The following TMTC2 variants were observed in gnomAD, a reference collection of about 807,000 sequenced individuals.
The protein encoded by TMTC2 is transmembrane O-mannosyltransferase targeting cadherins 2.
Under a neutral mutation model 82.4 loss-of-function variants are expected in TMTC2, and 43 were observed. That is an observed-to-expected ratio of 0.52 (90% confidence interval 0.41 to 0.67). TMTC2 has a LOEUF of 0.67. Ranked by LOEUF, TMTC2 falls within the 30% of genes least tolerant of loss-of-function variation. The pLI, the probability that TMTC2 is intolerant of heterozygous loss-of-function variation, is 0.00. For synonymous variants in TMTC2, 408 were observed against 381.9 expected, an observed-to-expected ratio of 1.07 and a Z score of -0.80; for missense variants, 919 against 1,012.4, an observed-to-expected ratio of 0.91 and a Z score of 1.25.
chr12:82,876,130 A>ATGGTGGTGGTGGTGG (rs575160141), intron 2 of TMTC2, among the ~76,000 whole-genome samples: 2 of 111,278 alleles, frequency 1.8e-5, no homozygotes, highest in Non-Finnish European at 3.8e-5. Context: ...GGTATTAGTA[A>ATGGTGGTGGTGGTGG]TGGTGGTGGT....
chr12:83,087,586 T>C (rs1883705680), intron 11 of TMTC2, among the ~76,000 whole-genome samples: 1 of 145,604 alleles, frequency 6.9e-6, no homozygotes, highest in African/African-American at 2.7e-5. Context: ...GGCTGCAGAA[T>C]GGATATTGTG....
chr12:82,876,153 GGTA>G (rs1221705137), intron 2 of TMTC2, among the ~76,000 whole-genome samples: 4 of 138,622 alleles, frequency 2.9e-5, no homozygotes, highest in South Asian at 2.1e-4. Context: ...TGGTGGTGGT[GGTA>G]GTGGTGGTAG....
chr12:82,757,889 A>G (rs1177395825), intron 1 of TMTC2, among the ~76,000 whole-genome samples: 5 of 152,142 alleles, frequency 3.3e-5, no homozygotes, highest in African/African-American at 4.8e-5. Context: ...GGATCAGGCA[A>G]TTATCACCAT....
intron 8 of TMTC2, among the ~76,000 whole-genome samples, chr12:83,025,898 T>C (rs1253811799): frequency 6.6e-6 from 1 of 152,188 alleles, no homozygotes; most frequent in African/African-American, 2.4e-5. Context: ...ATCCTCAGCA[T>C]AGGAACTTCT....
chr12:82,731,496 A>C (rs1231451367), intron 1 of TMTC2, among the ~76,000 whole-genome samples: 1 of 152,254 alleles, frequency 6.6e-6, no homozygotes, highest in Non-Finnish European at 1.5e-5. Context: ...TACAAATTTT[A>C]GACCAGTGGG....
In TMTC2 at chr12:83,126,872, A is replaced by G. The variant is rs115961502; in HGVS notation, c.2332-5338A>G. 5.1e-3 allele frequency among the ~76,000 whole-genome samples: 778 copies of G among 152,228 alleles called. 3 individuals carry two copies. Among genetic ancestry groups the G allele is most frequent in the African/African-American group, 0.018 (733 of 41,548 alleles). ...ATTATTTATTAAATATCTGCCATGT[A>G]TAAGGCACAAATAAATACAAAGAGA... On this transcript the variant is annotated intron_variant, in intron 11 of 11. Transcript: ENST00000321196.
At chr12:82,929,363 A>G (rs1198071782) in intron 3 of TMTC2, among the ~76,000 whole-genome samples, 1 of 152,098 alleles carries the variant, frequency 6.6e-6, no homozygotes, top group African/African-American at 2.4e-5. Context: ...AGCCTCAGAC[A>G]CTGTCTTAAA....
intron 1 of TMTC2, among the ~76,000 whole-genome samples, chr12:82,766,601 G>A (rs1314691556): frequency 1.3e-5 from 2 of 152,148 alleles, no homozygotes; most frequent in Admixed American, 6.5e-5. Flanking sequence ...TACATCTTAT[G>A]AAGATGATTA....
chr12:82,844,469 T>C (rs980447970), intron 1 of TMTC2, among the ~76,000 whole-genome samples: 1 of 152,150 alleles, frequency 6.6e-6, no homozygotes, highest in Non-Finnish European at 1.5e-5. Flanking sequence ...ATAGGTGTTA[T>C]TGGAATCTGA....
In TMTC2 at chr12:82,917,773, T is replaced by G. The variant is rs532140666; in HGVS notation, c.1484-12658T>G. On this transcript the variant is annotated intron_variant, in intron 3 of 11. Coordinates refer to ENST00000321196, the MANE Select transcript of TMTC2 (RefSeq NM_152588.3). Reference sequence around the variant, plus strand: ...CCTGCCACCAGGCCCGGCTAATTTTTTTGTATTTTTAGTAGAGACAGGGTT... The same window carrying G: ...CCTGCCACCAGGCCCGGCTAATTTTGTTGTATTTTTAGTAGAGACAGGGTT... Among the ~76,000 whole-genome samples, 126 of 152,162 alleles carry G rather than the reference T, an allele frequency of 8.3e-4. 1 individual carries two copies. The highest frequency in any genetic ancestry group is 2.9e-3 in the African/African-American group (120 of 41,518).
intron 3 of TMTC2, among the ~76,000 whole-genome samples, chr12:82,928,996 A>G (rs1165347479): frequency 6.6e-6 from 1 of 152,194 alleles, no homozygotes; most frequent in African/African-American, 2.4e-5. Context: ...AGAGTATCAA[A>G]CACAATAATA....
intron 11 of TMTC2, among the ~76,000 whole-genome samples, chr12:83,100,195 T>C (rs2137532176): frequency 6.6e-6 from 1 of 152,240 alleles, no homozygotes; most frequent in Middle Eastern, 3.4e-3. Flanking sequence ...GCTGGGATTA[T>C]AGGTGTAAGC....
intron 11 of TMTC2, among the ~76,000 whole-genome samples, chr12:83,115,934 C>T (rs555591426): frequency 1.3e-5 from 2 of 152,168 alleles, no homozygotes; most frequent in African/African-American, 2.4e-5. Flanking sequence ...ACTACAGGCA[C>T]GTGCCACCAT....
intron 2 of TMTC2, among the ~76,000 whole-genome samples, chr12:82,891,182 A>AG (rs1873375504): frequency 6.6e-6 from 1 of 152,258 alleles, no homozygotes; most frequent in African/African-American, 2.4e-5. Flanking sequence ...GGACTAAATT[A>AG]GAAATGAAAA....
At chr12:82,788,922 T>C (rs1257705453) in intron 1 of TMTC2, among the ~76,000 whole-genome samples, 2 of 152,034 alleles carry the variant, frequency 1.3e-5, no homozygotes, top group African/African-American at 2.4e-5. Flanking sequence ...TCTCAGCACT[T>C]TGGGAGGCCA....
chr12:82,902,676 G>A (rs957861965), intron 3 of TMTC2, among the ~76,000 whole-genome samples: 2 of 152,082 alleles, frequency 1.3e-5, no homozygotes, highest in African/African-American at 2.4e-5. Context: ...TTCTCTGGCT[G>A]CCAGTTTCTC....
rs752763855 is a variant in TMTC2 at position 83,030,836 on chromosome 12, T to G, written c.2109T>G (p.Ala703=). ...KSEAEKLFLK[A]IELDPTKGNC... is the part of the protein sequence containing the mutation. Reference sequence around the variant, plus strand: ...AGGCTGAAAAGCTCTTCTTGAAGGCTATTGAGCTGGATCCCACCAAAGGAA... The same window carrying G: ...AGGCTGAAAAGCTCTTCTTGAAGGCGATTGAGCTGGATCCCACCAAAGGAA... Residue 703 remains alanine, a synonymous_variant, in exon 9 of 12, where the codon GCT becomes GCG. Coordinates refer to ENST00000321196, the MANE Select transcript of TMTC2 (RefSeq NM_152588.3). The G allele has an allele frequency of 6.2e-7, 1 of 1,613,796 alleles. No individual in the cohort carries two copies. Among genetic ancestry groups the G allele is most frequent in the Non-Finnish European group, 8.5e-7 (1 of 1,179,736 alleles).
chr12:82,857,636 C>T (rs2137116491), intron 2 of TMTC2, 56 bp downstream of exon 2: 3 of 1,479,942 alleles, frequency 2.0e-6, no homozygotes, highest in Non-Finnish European at 2.7e-6. Flanking sequence ...CTTGCTTACT[C>T]CTTTGCCACC....
At chr12:82,764,981 G>A (rs933660876) in intron 1 of TMTC2, among the ~76,000 whole-genome samples, 1 of 147,226 alleles carries the variant, frequency 6.8e-6, no homozygotes, top group Non-Finnish European at 1.5e-5. Flanking sequence ...GGGCGGGGGG[G>A]TGACTGCACC....
Sources: allele counts gnomAD v4.1 joint callset (sites outside exome capture counted in the v4.1 genomes callset), GRCh38; gene constraint gnomAD v4.1.1; transcripts MANE v1.5; gene names NCBI Gene and HGNC (gene_info 2026-07-23, HGNC 2026-07-21).